The following PCP4 variants were observed in gnomAD, a reference collection of about 807,000 sequenced individuals.
PCP4 encodes the protein calmodulin regulator protein PCP4.
In PCP4, 8 loss-of-function variants were observed where a neutral mutation model predicts 10.0. That is an observed-to-expected ratio of 0.80 (90% confidence interval 0.47 to 1.45). The LOEUF is 1.45. Among genes scored for constraint, PCP4 ranks in the 40% most tolerant of loss-of-function variants. The pLI, the probability that PCP4 is intolerant of heterozygous loss-of-function variation, is 0.00. For synonymous variants in PCP4, 21 were observed against 23.0 expected, an observed-to-expected ratio of 0.91 and a Z score of 0.24; for missense variants, 54 against 74.4, an observed-to-expected ratio of 0.73 and a Z score of 1.01.
At chr21:39,897,440 C>T (rs1182003861) in intron 1 of PCP4, among the ~76,000 whole-genome samples, 1 of 149,624 alleles carries the variant, frequency 6.7e-6, no homozygotes, top group African/African-American at 2.5e-5. Flanking sequence ...TCCTTTTCAA[C>T]TCAAAGCATA....
Position 39,929,056 on chromosome 21 carries a change from C to T in PCP4, c.134C>T (p.Ala45Val). 1 of 1,613,192 alleles carries T rather than the reference C, an allele frequency of 6.2e-7. No homozygotes were observed. Among genetic ancestry groups the T allele is most frequent in the African/African-American group, 1.3e-5 (1 of 74,932 alleles). The change falls in exon 3 of 3, where the codon GCC (alanine) becomes GTC (valine). Residue 45 changes from alanine (A) to valine (V), a missense_variant. Physicochemically the swap from Ala to Val is moderately conservative, Grantham distance 64. Coordinates refer to ENST00000328619, the MANE Select transcript of PCP4 (RefSeq NM_006198.3). The stretch of plus-strand genomic sequence containing the variant: ...CCAGAGACAGAACGTGCAGCGGTGG[C>T]CATTCAGTCTCAGTTCAGAAAATTC... Reference protein sequence around the residue: ...DAPETERAAVAIQSQFRKFQK... With the variant: ...DAPETERAAVVIQSQFRKFQK...
chr21:39,886,946 A>C (rs2087403181), intron 1 of PCP4, among the ~76,000 whole-genome samples: 1 of 152,230 alleles, frequency 6.6e-6, no homozygotes, highest in Non-Finnish European at 1.5e-5. Flanking sequence ...TTTATGTTCC[A>C]AAAATTTCAC....
At chr21:39,871,559 T>C (rs2087320220) in intron 1 of PCP4, among the ~76,000 whole-genome samples, 1 of 152,184 alleles carries the variant, frequency 6.6e-6, no homozygotes, top group Admixed American at 6.5e-5. Context: ...CTCTGACAGA[T>C]CAAGCAAGAT....
chr21:39,929,319 G>A lies in PCP4; in HGVS notation c.*208G>A. 1 of 387,184 alleles carries A rather than the reference G, an allele frequency of 2.6e-6. No homozygotes were observed. The highest frequency in any genetic ancestry group is 4.6e-6 in the Non-Finnish European group (1 of 219,428). The allele number at this position is 387,184 out of a possible 1,614,324, so 24.0% of individuals were successfully genotyped here. ...GAATTGTGAGTAGCTTAATCTCTAT[G>A]TTTCTCTCCATTTTCATTCCTCCTG... On this transcript the variant is annotated 3_prime_UTR_variant, in exon 3 of 3. Coordinates refer to ENST00000328619, the MANE Select transcript of PCP4 (RefSeq NM_006198.3).
chr21:39,926,969 G>A (rs1362048255), intron 2 of PCP4, among the ~76,000 whole-genome samples: 1 of 152,150 alleles, frequency 6.6e-6, no homozygotes, highest in Non-Finnish European at 1.5e-5. Context: ...CTGAACATTG[G>A]TGCACTCAAC....
At chr21:39,912,665 C>T (rs9808736) in intron 2 of PCP4, among the ~76,000 whole-genome samples, 88,639 of 151,922 alleles carry the variant, frequency 0.58, 26,357 homozygotes, top group Middle Eastern at 0.71. Flanking sequence ...ATGCCATTTT[C>T]CGGGGTGATT....
intron 1 of PCP4, chr21:39,898,228 T>C (rs2087466802): frequency 1.3e-5 from 7 of 531,144 alleles, no homozygotes; most frequent in Non-Finnish European, 1.7e-5. Flanking sequence ...TCCTGGTTTC[T>C]CTTGTTACTG....
intron 2 of PCP4, among the ~76,000 whole-genome samples, chr21:39,926,704 AGAC>A (rs1391917392): frequency 1.3e-5 from 2 of 152,216 alleles, no homozygotes; most frequent in Non-Finnish European, 2.9e-5. Context: ...TGGGTTTGCT[AGAC>A]ACTTGACCTC....
intron 1 of PCP4, among the ~76,000 whole-genome samples, chr21:39,870,867 A>T (rs571128119): frequency 6.6e-6 from 1 of 152,124 alleles, no homozygotes; most frequent in African/African-American, 2.4e-5. Context: ...TTTGGCGTGG[A>T]TGGGAAAGTG....
At chr21:39,892,457 C>G (rs1372595213) in intron 1 of PCP4, among the ~76,000 whole-genome samples, 1 of 151,868 alleles carries the variant, frequency 6.6e-6, no homozygotes, top group Non-Finnish European at 1.5e-5. Context: ...CGGTGGATAA[C>G]TTTTTAGTCT....
intron 1 of PCP4, among the ~76,000 whole-genome samples, chr21:39,897,709 G>A (rs980439126): frequency 1.3e-5 from 2 of 152,090 alleles, no homozygotes; most frequent in Non-Finnish European, 2.9e-5. Flanking sequence ...TTTATAAGTA[G>A]GAGGAAACAT....
chr21:39,899,135 T>G (rs1289479483), intron 2 of PCP4, among the ~76,000 whole-genome samples: 1 of 152,128 alleles, frequency 6.6e-6, no homozygotes, highest in East Asian at 1.9e-4. Context: ...GGCTTGGCAT[T>G]GGGGTGAGAT....
At chr21:39,915,852 G>C (rs1190069930) in intron 2 of PCP4, among the ~76,000 whole-genome samples, 1 of 152,172 alleles carries the variant, frequency 6.6e-6, no homozygotes, top group African/African-American at 2.4e-5. Context: ...ATAACCATGT[G>C]CTCAGCCCCA....
chr21:39,897,829 G>A (rs1433896635), intron 1 of PCP4, among the ~76,000 whole-genome samples: 1 of 152,024 alleles, frequency 6.6e-6, no homozygotes, highest in Non-Finnish European at 1.5e-5. Flanking sequence ...GATGGATTAT[G>A]AGGTCAGGAG....
At chr21:39,871,056 A>G (rs2087317345) in intron 1 of PCP4, among the ~76,000 whole-genome samples, 1 of 152,278 alleles carries the variant, frequency 6.6e-6, no homozygotes, top group South Asian at 2.1e-4. Context: ...TGTATACGTT[A>G]AAACGTACAA....
At chr21:39,890,350 C>G (rs1047313219) in intron 1 of PCP4, among the ~76,000 whole-genome samples, 1 of 151,926 alleles carries the variant, frequency 6.6e-6, no homozygotes, top group Non-Finnish European at 1.5e-5. Flanking sequence ...TTTAATATTT[C>G]GTTATCTATT....
At chr21:39,872,830 A>G (rs1450649016) in intron 1 of PCP4, among the ~76,000 whole-genome samples, 1 of 152,208 alleles carries the variant, frequency 6.6e-6, no homozygotes, top group Admixed American at 6.5e-5. Flanking sequence ...ACATTTGGGA[A>G]AGTTGTATTC....
At chr21:39,878,002 CGAGA>C (rs3831648) in intron 1 of PCP4, among the ~76,000 whole-genome samples, 5 of 143,928 alleles carry the variant, frequency 3.5e-5, no homozygotes, top group African/African-American at 8.2e-5. Flanking sequence ...TAGATTGTGA[CGAGA>C]GAGAGAGAGA....
chr21:39,868,127 A>C (rs2087302977), intron 1 of PCP4, among the ~76,000 whole-genome samples: 1 of 152,188 alleles, frequency 6.6e-6, no homozygotes, highest in Admixed American at 6.5e-5. Context: ...CACTTCTCTA[A>C]ACTTGTTTAT....
Sources: allele counts gnomAD v4.1 joint callset (sites outside exome capture counted in the v4.1 genomes callset), GRCh38; gene constraint gnomAD v4.1.1; transcripts MANE v1.5; gene names NCBI Gene and HGNC (gene_info 2026-07-23, HGNC 2026-07-21).